PNPLA7: variants seen among roughly 807,000 people sequenced by gnomAD.
The protein encoded by PNPLA7 is patatin like domain 7, lysophospholipase, also known as patatin-like phospholipase domain-containing protein 7.
In PNPLA7, 153 loss-of-function variants were observed where a neutral mutation model predicts 161.7. The observed-to-expected ratio is 0.95, with a 90% confidence interval of 0.83 to 1.08. The LOEUF (loss-of-function observed/expected upper bound fraction) is 1.08, where lower values mean the gene tolerates loss of function less well. Among genes scored for constraint, PNPLA7 ranks in the 50% least tolerant of loss-of-function variants. PNPLA7 has a pLI of 0.00. For missense variants in PNPLA7, 1,739 were observed against 1,856.6 expected (o/e 0.94, Z 1.16); for synonymous variants, 809 against 782.1 (o/e 1.03, Z -0.57).
chr9:137,546,570 G>T (rs1224092828), intron 4 of PNPLA7, among the ~76,000 whole-genome samples: 1 of 152,196 alleles, frequency 6.6e-6, no homozygotes, highest in Non-Finnish European at 1.5e-5. Context: ...CTCCAGGCCA[G>T]GGGGAGTAGA....
intron 20 of PNPLA7, among the ~76,000 whole-genome samples, chr9:137,489,174 G>A (rs971317465): frequency 3.3e-5 from 5 of 152,284 alleles, no homozygotes; most frequent in Admixed American, 1.3e-4. Flanking sequence ...AGAAAGCCTC[G>A]AATCTGTAAT....
intron 8 of PNPLA7, among the ~76,000 whole-genome samples, chr9:137,529,272 G>C (rs1835454925): frequency 1.3e-5 from 2 of 152,226 alleles, no homozygotes; most frequent in Non-Finnish European, 1.5e-5. Context: ...TGGGATTACA[G>C]GTGTGAGTCA....
chr9:137,485,456 C>T (rs1255241554), intron 20 of PNPLA7, among the ~76,000 whole-genome samples: 1 of 152,162 alleles, frequency 6.6e-6, no homozygotes, highest in Non-Finnish European at 1.5e-5. Context: ...GGTGAGGCCT[C>T]ATTGGAGTAA....
At chr9:137,479,341 A>T in intron 23 of PNPLA7, 103 bp from the exon 24 acceptor site, 1 of 1,369,732 alleles carries the variant, frequency 7.3e-7, no homozygotes, top group Middle Eastern at 2.4e-4. Flanking sequence ...GGACCCCGGG[A>T]GCAGCTCCTG....
Position 137,500,676 on chromosome 9 carries a change from G to A in PNPLA7, c.1757+15C>T, listed in dbSNP as rs1476936662. On this transcript the variant is annotated intron_variant, in intron 16 of 34. Coordinates refer to ENST00000406427, the MANE Select transcript of PNPLA7 (RefSeq NM_001098537.3). This position sits in a 1 kb window ranked among gnomAD's most constrained non-coding sequence, Gnocchi z 5.5. Reference sequence around the variant, plus strand: ...GGCTGGGGCCCGCCCTGAGGTCCTGGCCCGTGGGACTCACTCATAGAAGTG... The same window carrying A: ...GGCTGGGGCCCGCCCTGAGGTCCTGACCCGTGGGACTCACTCATAGAAGTG... The A allele has an allele frequency of 6.2e-7, 1 of 1,611,236 alleles. No individual in the cohort carries two copies. Among genetic ancestry groups the A allele is most frequent in the Non-Finnish European group, 8.5e-7 (1 of 1,179,474 alleles).
chr9:137,525,864 G>A lies in PNPLA7; in HGVS notation c.748-3007C>T, dbSNP rs556475364. ...AGCAGTGGGTGTCTTCCCAGGCACT[G>A]GCGTTACCGCTAGACCAAGGAGCCC... On this transcript the variant is annotated intron_variant, in intron 8 of 34. Coordinates refer to ENST00000406427, the MANE Select transcript of PNPLA7 (RefSeq NM_001098537.3). 1.3e-5 allele frequency among the ~76,000 whole-genome samples: 2 copies of A among 150,050 alleles called. 1 individual carries two copies. Among genetic ancestry groups the A allele is most frequent in the South Asian group, 4.3e-4 (2 of 4,644 alleles).
At chr9:137,494,399 C>A (rs1384119992) in intron 19 of PNPLA7, among the ~76,000 whole-genome samples, 1 of 152,196 alleles carries the variant, frequency 6.6e-6, no homozygotes. Flanking sequence ...AGGTTTCCTG[C>A]TCACCGTCAC....
Position 137,541,122 on chromosome 9 carries a change from C to T in PNPLA7, c.667-400G>A, listed in dbSNP as rs1285981930. ...TTAGGTAAAAAAAGAAAAGAAACCG[C>T]GCTATTTTGGTGATTTAACAAAGTA... On this transcript the variant is annotated intron_variant, in intron 7 of 34. Coordinates refer to ENST00000406427, the MANE Select transcript of PNPLA7 (RefSeq NM_001098537.3). This position sits in a 1 kb window ranked among gnomAD's most constrained non-coding sequence, Gnocchi z 4.4. Among the ~76,000 whole-genome samples the T allele has an allele frequency of 3.3e-5, 5 of 152,180 alleles. No individual in the cohort carries two copies. Among genetic ancestry groups the T allele is most frequent in the Non-Finnish European group, 2.9e-5 (2 of 68,032 alleles).
At chr9:137,509,041 TGGCCGCTAACCATGGGC>T (rs1834061723) in intron 12 of PNPLA7, 1 of 153,174 alleles carries the variant, frequency 6.5e-6, no homozygotes, top group African/African-American at 2.4e-5. Context: ...GGGCCGGAAG[TGGCCGCTAACCATGGGC>T]GGCCAGTGAG....
intron 11 of PNPLA7, chr9:137,516,273 G>T: frequency 2.1e-6 from 2 of 972,372 alleles, no homozygotes; most frequent in South Asian, 9.6e-5. Flanking sequence ...GGCTCGCCTG[G>T]GATGGGCCAC....
chr9:137,539,942 C>A (rs1007041945), intron 8 of PNPLA7, among the ~76,000 whole-genome samples: 3 of 152,146 alleles, frequency 2.0e-5, no homozygotes, highest in Non-Finnish European at 4.4e-5. Flanking sequence ...CCTGCCCCTA[C>A]ACCCAGTTAA....
intron 8 of PNPLA7, among the ~76,000 whole-genome samples, chr9:137,535,229 C>A (rs866648005): frequency 6.9e-4 from 105 of 152,282 alleles, no homozygotes; most frequent in African/African-American, 2.4e-3. Flanking sequence ...TGAGATGCAG[C>A]TATGCTGGTT....
intron 26 of PNPLA7, among the ~76,000 whole-genome samples, chr9:137,465,394 C>T (rs371572897): frequency 6.6e-6 from 1 of 152,184 alleles, no homozygotes; most frequent in Non-Finnish European, 1.5e-5. Flanking sequence ...CCAGAGAGCT[C>T]TGGCCATTCC....
chr9:137,539,300 G>A (rs139988266), intron 8 of PNPLA7, among the ~76,000 whole-genome samples: 4 of 152,184 alleles, frequency 2.6e-5, no homozygotes, highest in African/African-American at 7.2e-5. Flanking sequence ...CCAAGATTGC[G>A]CCATTGTACT....
intron 21 of PNPLA7, among the ~76,000 whole-genome samples, chr9:137,483,225 G>A (rs963570562): frequency 4.6e-5 from 7 of 151,996 alleles, no homozygotes; most frequent in Admixed American, 1.3e-4. Flanking sequence ...CAGCTCCACC[G>A]CACAACTCGA....
At chr9:137,542,084 A>G (rs1836235855) in intron 7 of PNPLA7, among the ~76,000 whole-genome samples, 1 of 152,232 alleles carries the variant, frequency 6.6e-6, no homozygotes, top group Non-Finnish European at 1.5e-5. Context: ...AAACCTGAAA[A>G]TAGAGCAAGG....
chr9:137,543,674 C>A lies in PNPLA7; in HGVS notation c.365+50G>T. The stretch of plus-strand genomic sequence containing the variant: ...GGCAGCTCAGGGTTGGGGAGGCCAG[C>A]ACCATGGGGGGCACCTGGGGCAGGA... On this transcript the variant is annotated intron_variant, in intron 5 of 34. Coordinates refer to ENST00000406427, the MANE Select transcript of PNPLA7 (RefSeq NM_001098537.3). This position sits in a 1 kb window ranked among gnomAD's most constrained non-coding sequence, Gnocchi z 6.9. 6.2e-7 allele frequency: 1 copy of A among 1,612,422 alleles called. No homozygotes were observed. Among genetic ancestry groups the A allele is most frequent in the Non-Finnish European group, 8.5e-7 (1 of 1,178,806 alleles).
chr9:137,479,499 T>G (rs1210458755), intron 23 of PNPLA7: 5 of 1,197,944 alleles, frequency 4.2e-6, no homozygotes, highest in Non-Finnish European at 5.2e-6. Context: ...TAACACTGCC[T>G]CATAAACACA....
At chr9:137,531,971 T>C (rs1192800193) in intron 8 of PNPLA7, among the ~76,000 whole-genome samples, 2 of 152,184 alleles carry the variant, frequency 1.3e-5, no homozygotes, top group Non-Finnish European at 2.9e-5. Context: ...CCTGCTATGT[T>C]GTCTGGGCTG....
Sources: allele counts gnomAD v4.1 joint callset (sites outside exome capture counted in the v4.1 genomes callset), GRCh38; gene constraint gnomAD v4.1.1; non-coding constraint Gnocchi (gnomAD v3.1); transcripts MANE v1.5; gene names NCBI Gene and HGNC (gene_info 2026-07-23, HGNC 2026-07-21).